The following TMC7 variants were observed in gnomAD, a reference collection of about 807,000 sequenced individuals.
TMC7 encodes transmembrane channel like 7, also known as transmembrane channel-like protein 7.
A neutral mutation model predicts 82.9 loss-of-function variants in TMC7; 54 were observed. The observed-to-expected ratio is 0.65, with a 90% CI of 0.52 to 0.82. The LOEUF (loss-of-function observed/expected upper bound fraction) is 0.82. Ranked by LOEUF, TMC7 falls within the 40% of genes least tolerant of loss-of-function variation. The probability of loss-of-function intolerance (pLI) is 0.00; values close to 1 mark genes in which losing one functional copy is unlikely to be tolerated. For missense variants in TMC7, 820 were observed against 901.2 expected, an observed-to-expected ratio of 0.91 and a Z score of 1.15; for synonymous variants, 350 against 337.9, an observed-to-expected ratio of 1.04 and a Z score of -0.39.
At chr16:19,039,023 G>A (rs973341522) in intron 8 of TMC7, among the ~76,000 whole-genome samples, 1 of 151,678 alleles carries the variant, frequency 6.6e-6, no homozygotes, top group Non-Finnish European at 1.5e-5. Flanking sequence ...ATCATCAGGG[G>A]TCCAGGTTCC....
chr16:19,001,925 C>T (rs541331470), intron 1 of TMC7, among the ~76,000 whole-genome samples: 1 of 152,164 alleles, frequency 6.6e-6, no homozygotes, highest in Non-Finnish European at 1.5e-5. Flanking sequence ...ATCCAGTGAC[C>T]TACAAGGTCC....
intron 1 of TMC7, among the ~76,000 whole-genome samples, chr16:18,984,808 G>A (rs2038814476): frequency 6.6e-6 from 1 of 152,168 alleles, no homozygotes; most frequent in African/African-American, 2.4e-5. Flanking sequence ...ATGTACAACG[G>A]CTGCCCAGTC....
intron 5 of TMC7, among the ~76,000 whole-genome samples, chr16:19,023,713 C>T (rs1960092658): frequency 6.6e-6 from 1 of 152,222 alleles, no homozygotes; most frequent in Non-Finnish European, 1.5e-5. Context: ...TCCCAAAGTA[C>T]TGGGGTTATA....
chr16:18,990,509 C>G (rs2038931375), intron 1 of TMC7, among the ~76,000 whole-genome samples: 1 of 152,126 alleles, frequency 6.6e-6, no homozygotes, highest in South Asian at 2.1e-4. Flanking sequence ...TGGCCAGGCT[C>G]GTCTCGAACT....
intron 6 of TMC7, among the ~76,000 whole-genome samples, chr16:19,034,491 G>A (rs751251835): frequency 4.7e-5 from 7 of 149,636 alleles, no homozygotes; most frequent in African/African-American, 1.8e-4. Context: ...CCAGCTACTC[G>A]GAAGGCTCAG....
At chr16:19,029,285 A>G (rs1046192140) in intron 5 of TMC7, among the ~76,000 whole-genome samples, 17 of 151,946 alleles carry the variant, frequency 1.1e-4, no homozygotes, top group Non-Finnish European at 2.2e-4. Context: ...GATTACAGGC[A>G]TGAGCCACCG....
chr16:19,052,175 G>A (rs979726374), intron 13 of TMC7, among the ~76,000 whole-genome samples: 3 of 151,764 alleles, frequency 2.0e-5, no homozygotes, highest in Admixed American at 6.6e-5. Flanking sequence ...CAGGTGATCC[G>A]CCCGCCTTGG....
At chr16:19,029,624 C>T (rs1343972049) in intron 5 of TMC7, among the ~76,000 whole-genome samples, 3 of 151,646 alleles carry the variant, frequency 2.0e-5, no homozygotes, top group Non-Finnish European at 4.4e-5. Context: ...ATCCTCCTGC[C>T]TCGGCCTTCC....
In TMC7 at chr16:19,056,543, A is replaced by C. The variant is rs1418195690; in HGVS notation, c.1873A>C (p.Ile625Leu). 6.2e-7 allele frequency: 1 copy of C among 1,613,420 alleles called. No homozygotes were observed. The highest frequency in any genetic ancestry group is 1.1e-5 in the South Asian group (1 of 90,974). Residue 625 changes from isoleucine to leucine, a missense_variant and splice_region_variant, in exon 14 of 16, where the codon ATC becomes CTC. By Grantham distance (5) the Ile-to-Leu change is conservative. Coordinates refer to ENST00000304381, the MANE Select transcript of TMC7 (RefSeq NM_024847.4). ...IIPLTISISRIPSSKACGPFT... is the reference protein window; with the variant it reads ...IIPLTISISRLPSSKACGPFT... Reference sequence around the variant, plus strand: ...GCCCGTTGGTCTGTGTCCTGGCAGCATCCCTTCCTCGAAAGCCTGTGGGCC... The same window carrying C: ...GCCCGTTGGTCTGTGTCCTGGCAGCCTCCCTTCCTCGAAAGCCTGTGGGCC...
intron 1 of TMC7, among the ~76,000 whole-genome samples, chr16:19,000,466 C>T (rs916333585): frequency 6.6e-6 from 1 of 152,036 alleles, no homozygotes; most frequent in Non-Finnish European, 1.5e-5. Context: ...CAGAGCAAGA[C>T]TCTGTCTCAA....
intron 1 of TMC7, among the ~76,000 whole-genome samples, chr16:19,000,710 C>T (rs558921827): frequency 6.6e-6 from 1 of 152,156 alleles, no homozygotes; most frequent in East Asian, 1.9e-4. Flanking sequence ...TTTTTGCCAG[C>T]TTTTTTTACC....
intron 1 of TMC7, among the ~76,000 whole-genome samples, chr16:19,001,569 C>T (rs2039141707): frequency 6.6e-6 from 1 of 152,152 alleles, no homozygotes; most frequent in Non-Finnish European, 1.5e-5. Context: ...GTGGTCCCAG[C>T]TACTCAGGAG....
intron 5 of TMC7, among the ~76,000 whole-genome samples, chr16:19,025,680 G>A (rs1960189826): frequency 6.6e-6 from 1 of 151,660 alleles, no homozygotes; most frequent in Non-Finnish European, 1.5e-5. Context: ...ATACCATTGA[G>A]CTTCTACTTT....
intron 5 of TMC7, among the ~76,000 whole-genome samples, chr16:19,027,450 A>G (rs1445752326): frequency 1.3e-5 from 2 of 152,264 alleles, no homozygotes; most frequent in Admixed American, 6.5e-5. Flanking sequence ...TGTTAATAAT[A>G]TAAATGTAAA....
Position 19,063,523 on chromosome 16 carries a change from G to C in TMC7, c.*1680G>C, listed in dbSNP as rs1201782901. 1 of 152,056 alleles carries C rather than the reference G, an allele frequency of 6.6e-6. No individual in the cohort carries two copies. Among genetic ancestry groups the C allele is most frequent in the Non-Finnish European group, 1.5e-5 (1 of 68,034 alleles). The allele number at this position is 152,056 out of a possible 1,614,324, so 9.4% of individuals were successfully genotyped here. On this transcript the variant is annotated 3_prime_UTR_variant, in exon 16 of 16. Coordinates refer to ENST00000304381, the MANE Select transcript of TMC7 (RefSeq NM_024847.4). ...TGCGAGACCGTGCCACTGTACTCCA[G>C]CCTAGGTGACAGAGGGAGACCCTAT...
intron 1 of TMC7, among the ~76,000 whole-genome samples, chr16:18,995,695 G>A (rs1041640738): frequency 4.6e-5 from 7 of 152,204 alleles, no homozygotes; most frequent in Non-Finnish European, 1.0e-4. Context: ...TTCTCTCACA[G>A]TGGAGGCAAG....
intron 14 of TMC7, among the ~76,000 whole-genome samples, chr16:19,057,567 G>A (rs2142319994): frequency 6.6e-6 from 1 of 152,356 alleles, no homozygotes; most frequent in Non-Finnish European, 1.5e-5. Flanking sequence ...AATGACTTGG[G>A]GGAGCTGTGC....
intron 1 of TMC7, among the ~76,000 whole-genome samples, chr16:19,002,034 C>A (rs1333329933): frequency 6.6e-6 from 1 of 152,016 alleles, no homozygotes; most frequent in African/African-American, 2.4e-5. Context: ...GGCTAGAACG[C>A]GGGGGAAGCT....
chr16:19,030,465 T>A, intron 6 of TMC7, 96 bp downstream of exon 6: 1 of 1,398,104 alleles, frequency 7.2e-7, no homozygotes. Context: ...AAAGGATGAG[T>A]GGAGTCCAAT....
Sources: gnomAD v4.1 joint callset for allele counts (sites outside exome capture counted in the v4.1 genomes callset) on GRCh38, gnomAD v4.1.1 for gene constraint, MANE v1.5 for transcripts, NCBI Gene and HGNC (gene_info 2026-07-23, HGNC 2026-07-21) for gene names.